Variants in RPL21 observed in about 807,000 individuals in gnomAD.
The protein encoded by RPL21 is ribosomal protein L21.
RPL21 carries 1 observed loss-of-function variant against 21.2 expected under a neutral mutation model. That is an observed-to-expected ratio of 0.05 (90% CI 0.02 to 0.22). RPL21 has a LOEUF of 0.22. Among genes scored for constraint, RPL21 ranks in the 10% least tolerant of loss-of-function variants. RPL21 has a pLI of 1.00. For missense variants in RPL21, 113 were observed against 199.4 expected, an observed-to-expected ratio of 0.57 and a Z score of 2.61; for synonymous variants, 52 against 62.9, an observed-to-expected ratio of 0.83 and a Z score of 0.82.
At chr13:27,253,182 C>T (rs2137907759) in intron 1 of RPL21, among the ~76,000 whole-genome samples, 1 of 152,284 alleles carries the variant, frequency 6.6e-6, no homozygotes, top group Non-Finnish European at 1.5e-5. Flanking sequence ...TAGTAAGTGG[C>T]AGAGCCTATG....
intron 1 of RPL21, among the ~76,000 whole-genome samples, chr13:27,253,060 A>G (rs1881722539): frequency 6.6e-6 from 1 of 152,362 alleles, no homozygotes; most frequent in Non-Finnish European, 1.5e-5. Context: ...ACTACTGAGC[A>G]CTTTACACGG....
chr13:27,254,877 C>T (rs959090696), intron 3 of RPL21: 24 of 382,532 alleles, frequency 6.3e-5, no homozygotes, highest in African/African-American at 1.9e-4. Flanking sequence ...CCTCATTACC[C>T]GCTTGGAGTT....
In RPL21 at chr13:27,254,286, A is replaced by G. The variant is rs1289923976; in HGVS notation, c.129+5A>G. On this transcript the variant is annotated splice_donor_5th_base_variant and intron_variant, in intron 3 of 5. Transcript: ENST00000311549. ...GGTGATATTGTAGACATCAAGGTAA[A>G]CATAAAATTGGGAAAATAACACTAC... The G allele has an allele frequency of 4.5e-6, 7 of 1,563,700 alleles. No individual in the cohort carries two copies. In the African/African-American group the frequency reaches 8.1e-5, roughly 18 times the overall value.
At chr13:27,255,663 C>T (rs996190569) in intron 4 of RPL21, 36 of 436,240 alleles carry the variant, frequency 8.3e-5, no homozygotes, top group Non-Finnish European at 1.5e-4. Context: ...GCTCCACCTC[C>T]TGGGTTCACG....
In RPL21 at chr13:27,256,544, A is replaced by AG. The variant is rs1881911476; in HGVS notation, c.*19_*20insG. 2.0e-6 allele frequency: 2 copies of AG among 1,004,168 alleles called. No individual in the cohort carries two copies. The highest frequency in any genetic ancestry group is 3.5e-5 in the Admixed American group (2 of 57,854). The allele number at this position is 1,004,168 out of a possible 1,614,324, so 62.2% of individuals were successfully genotyped here. A position where few individuals can be genotyped will look rare whatever the true frequency, so the allele number is the denominator to read the frequency against. ...GGCATAATAGGTGTTAAAAAAAAAA[A>AG]TAAAGGACCTCTGGGCTACAAAAAT... On this transcript the variant is annotated 3_prime_UTR_variant, in exon 6 of 6. Coordinates refer to ENST00000311549, the MANE Select transcript of RPL21 (RefSeq NM_000982.4).
Position 27,255,319 on chromosome 13 carries a change from G to T in RPL21, c.207G>T (p.Gln69His), listed in dbSNP as rs1212479325. Residue 69 changes from glutamine to histidine, a missense_variant, in exon 4 of 6, where the codon CAG (glutamine) becomes CAT (histidine). Gln to His is a conservative substitution (Grantham distance 24, BLOSUM62 0). Transcript: ENST00000311549. ...CTGGAAGAGTCTACAATGTTACCCA[G>T]CATGCTGTTGGCATTGTTGTAAACA... is the stretch of plus-strand genomic sequence containing the variant. ...GKTGRVYNVTQHAVGIVVNKQ... is the reference protein window; with the variant it reads ...GKTGRVYNVTHHAVGIVVNKQ... The T allele has an allele frequency of 2.8e-6, 4 of 1,447,474 alleles. No homozygotes were observed. The highest frequency in any genetic ancestry group is 3.9e-6 in the Non-Finnish European group (4 of 1,027,932). 89.7% of individuals were successfully genotyped at this position (1,447,474 alleles called of 1,614,324 possible). A position where few individuals can be genotyped will look rare whatever the true frequency, so the allele number is the denominator to read the frequency against.
At chr13:27,254,764 G>A (rs373911369) in intron 3 of RPL21, among the ~76,000 whole-genome samples, 4 of 152,174 alleles carry the variant, frequency 2.6e-5, no homozygotes, top group Middle Eastern at 3.4e-3. Context: ...GTGATCCGCC[G>A]GACTCAGCCT....
chr13:27,254,531 A>G, intron 3 of RPL21: 1 of 490,968 alleles, frequency 2.0e-6, no homozygotes. Context: ...AATAGCTGGG[A>G]TTACAGGCGT....
rs932198353 is a variant in RPL21 at position 27,256,505 on chromosome 13, C to T, written c.463C>T (p.Pro155Ser). The change falls in exon 6 of 6, where the codon CCC becomes TCC. Residue 155 changes from proline to serine, a missense_variant. By Grantham distance (74) the Pro-to-Ser change is moderately conservative. Coordinates refer to ENST00000311549, the MANE Select transcript of RPL21 (RefSeq NM_000982.4). ...GGAGCCTGAGCTGCTGGAACCTATT[C>T]CCTATGAATTCATGGCATAATAGGT... ...GKEPELLEPI[P>S]YEFMA 1 of 1,391,786 alleles carries T rather than the reference C, an allele frequency of 7.2e-7. No individual in the cohort carries two copies. The highest frequency in any genetic ancestry group is 2.3e-5 in the East Asian group (1 of 43,920). 86.2% of individuals were successfully genotyped at this position (1,391,786 alleles called of 1,614,324 possible).
chr13:27,253,068 C>T (rs1299784751), intron 1 of RPL21, among the ~76,000 whole-genome samples: 1 of 152,200 alleles, frequency 6.6e-6, no homozygotes, highest in South Asian at 2.1e-4. Context: ...GCACTTTACA[C>T]GGGCCAAGCA....
intron 1 of RPL21, 71 bp from the exon 2 acceptor site, chr13:27,253,694 T>G: frequency 1.2e-6 from 1 of 833,728 alleles, no homozygotes; most frequent in Non-Finnish European, 2.1e-6. Context: ...ATGTGAACAT[T>G]TGAAATTACA....
chr13:27,256,270 A>G lies in RPL21; in HGVS notation c.329A>G (p.Lys110Arg). ...KSRDSFLKRV[K>R]ENDQKKKEAK... is the part of the protein sequence containing the mutation. ...CGAGATAGCTTCCTGAAACGTGTGA[A>G]GGAAAATGATCAGAAAAAGAAAGAA... Residue 110 changes from lysine to arginine, a missense_variant, in exon 5 of 6, where the codon AAG becomes AGG. Lys to Arg is a conservative substitution (Grantham distance 26, BLOSUM62 2). Coordinates refer to ENST00000311549, the MANE Select transcript of RPL21 (RefSeq NM_000982.4). 1 of 1,598,540 alleles carries G rather than the reference A, an allele frequency of 6.3e-7. No individual in the cohort carries two copies. The highest frequency in any genetic ancestry group is 8.6e-7 in the Non-Finnish European group (1 of 1,168,950).
intron 1 of RPL21, chr13:27,251,870 T>A (rs1402283802): frequency 1.3e-5 from 2 of 152,278 alleles, no homozygotes; most frequent in Non-Finnish European, 2.9e-5. Flanking sequence ...CTCGAGTTAA[T>A]CTTTAAAAGA....
chr13:27,254,392 ATTTT>A (rs555263610), intron 3 of RPL21, 111 bp downstream of exon 3: 10 of 284,632 alleles, frequency 3.5e-5, no homozygotes, highest in African/African-American at 1.6e-4. Flanking sequence ...TATAGAATGG[ATTTT>A]TTTTTTTTTT....
At chr13:27,254,844 A>G (rs1261425538) in intron 3 of RPL21, 2 of 366,442 alleles carry the variant, frequency 5.5e-6, no homozygotes, top group East Asian at 7.1e-5. Flanking sequence ...TTAAAGTGCT[A>G]TTCTTAGCAG....
At chr13:27,255,079 G>T (rs542802391) in intron 3 of RPL21, 163 bp from the exon 4 acceptor site, 4 of 764,374 alleles carry the variant, frequency 5.2e-6, no homozygotes, top group South Asian at 2.8e-5. Flanking sequence ...AATGATGACT[G>T]TTTTTTTTGA....
Position 27,253,908 on chromosome 13 carries a change from G to A in RPL21, c.67+65G>A, listed in dbSNP as rs553539602. ...ATTTGTGTTCTGTTGTGTTCAACAT[G>A]TGTTGTAGTTCATAGAATGTGTATC... On this transcript the variant is annotated intron_variant, in intron 2 of 5. Coordinates refer to ENST00000311549, the MANE Select transcript of RPL21 (RefSeq NM_000982.4). The A allele has an allele frequency of 6.9e-5, 64 of 924,866 alleles. No homozygotes were observed. In the African/African-American group the frequency reaches 8.6e-4, roughly 12 times the overall value. The allele number at this position is 924,866 out of a possible 1,614,324, so 57.3% of individuals were successfully genotyped here.
At chr13:27,255,730 C>T in intron 4 of RPL21, 2 of 362,680 alleles carry the variant, frequency 5.5e-6, no homozygotes, top group Non-Finnish European at 1.1e-5. Flanking sequence ...CACCACCATG[C>T]CCAGCTAAAT....
intron 1 of RPL21, 132 bp from the exon 2 acceptor site, chr13:27,253,633 A>G (rs1881753145): frequency 2.9e-6 from 2 of 683,192 alleles, no homozygotes; most frequent in African/African-American, 1.8e-5. Context: ...CAACAGAACT[A>G]ACTGCTTGGT....
Sources: allele counts gnomAD v4.1 joint callset (sites outside exome capture counted in the v4.1 genomes callset), GRCh38; gene constraint gnomAD v4.1.1; transcripts MANE v1.5; gene names NCBI Gene and HGNC (gene_info 2026-07-23, HGNC 2026-07-21).